The following CCP110 variants were observed in gnomAD, a reference collection of about 807,000 sequenced individuals.
CCP110 encodes centriolar coiled-coil protein 110, also known as centriolar coiled-coil protein of 110 kDa.
CCP110 carries 43 observed loss-of-function variants against 105.5 expected under a neutral mutation model. The observed-to-expected ratio is 0.41, with a 90% CI of 0.32 to 0.53. The LOEUF is 0.53. CCP110 is among the 20% of genes least tolerant of loss of function. CCP110 has a pLI of 0.32. For synonymous variants in CCP110, 353 were observed against 392.1 expected (o/e 0.90, Z 1.18); for missense variants, 1,016 against 1,189.1 (o/e 0.85, Z 2.14).
chr16:19,548,022 T>A lies in CCP110; in HGVS notation c.2900+8T>A, dbSNP rs1970519215. 2 of 1,596,334 alleles carry A rather than the reference T, an allele frequency of 1.3e-6. No individual in the cohort carries two copies. Among genetic ancestry groups the A allele is most frequent in the South Asian group, 1.1e-5 (1 of 90,602 alleles). ...GCTACTTAGTAGACAAGGGTAAGAA[T>A]GCCACACACGGGTATTGAAAACTAC... On this transcript the variant is annotated splice_region_variant and intron_variant, in intron 13 of 14. Coordinates refer to ENST00000381396, the Ensembl canonical transcript of CCP110. The surrounding 1 kb of genome is among the most constrained non-coding windows in gnomAD (Gnocchi z 4.1).
intron 3 of CCP110, among the ~76,000 whole-genome samples, chr16:19,534,179 A>G (rs1026450385): frequency 6.6e-6 from 1 of 152,160 alleles, no homozygotes; most frequent in Non-Finnish European, 1.5e-5. Context: ...GTCCATATTA[A>G]GTTTAAAAAA....
chr16:19,543,508 A>AG (rs1970359223), intron 8 of CCP110, among the ~76,000 whole-genome samples: 1 of 152,232 alleles, frequency 6.6e-6, no homozygotes, highest in East Asian at 1.9e-4. Context: ...GAAAAAGAAC[A>AG]GAATAACAGC....
intron 5 of CCP110, among the ~76,000 whole-genome samples, chr16:19,541,578 A>G (rs1970280095): frequency 6.7e-6 from 1 of 148,160 alleles, no homozygotes; most frequent in Non-Finnish European, 1.5e-5. Context: ...GTGAACCGAG[A>G]TCGTGCCACT....
At position 19,537,595 on chromosome 16, in the gene CCP110, A is replaced by G. The variant is rs758855857; in HGVS notation, c.1918+8A>G. 3.4e-6 allele frequency: 5 copies of G among 1,478,972 alleles called. No individual in the cohort carries two copies. Among genetic ancestry groups the G allele is most frequent in the Non-Finnish European group, 4.6e-6 (5 of 1,089,482 alleles). The allele number at this position is 1,478,972 out of a possible 1,614,324, so 91.6% of individuals were successfully genotyped here. A position where few individuals can be genotyped will look rare whatever the true frequency, so the allele number is the denominator to read the frequency against. Reference sequence around the variant, plus strand: ...TAGGAACTAGTTCCAAAGGTAAGGAATCTTTGAAGCGTTTGATACCTTCTA... The same window carrying G: ...TAGGAACTAGTTCCAAAGGTAAGGAGTCTTTGAAGCGTTTGATACCTTCTA... On this transcript the variant is annotated splice_region_variant and intron_variant, in intron 4 of 14. Transcript: ENST00000381396.
At chr16:19,537,550 C>T (rs775203473) in exon 4 of CCP110, 12 of 1,583,448 alleles carry the variant, frequency 7.6e-6, no homozygotes, top group African/African-American at 2.8e-5. Flanking sequence ...GATCTGGCTT[C>T]GTTAACAAGA....
At position 19,540,643 on chromosome 16, in the gene CCP110, A is replaced by G. The variant is rs1970243438; in HGVS notation, c.1919-14A>G. ...TGTGAATTTTCTAAATTGAGGAAAC[A>G]TGTTTCTTTTCAGAAAGCGAGGAGT... On this transcript the variant is annotated splice_polypyrimidine_tract_variant and intron_variant, in intron 4 of 14. Transcript: ENST00000381396. 6.2e-7 allele frequency: 1 copy of G among 1,604,430 alleles called. No homozygotes were observed. The highest frequency in any genetic ancestry group is 8.5e-7 in the Non-Finnish European group (1 of 1,174,670).
chr16:19,531,106 T>C (rs1969851692), intron 2 of CCP110, among the ~76,000 whole-genome samples: 1 of 152,218 alleles, frequency 6.6e-6, no homozygotes, highest in Non-Finnish European at 1.5e-5. Context: ...AGCAAGTAAA[T>C]TGTATAATCA....
chr16:19,533,822 A>G (rs143044168), intron 3 of CCP110, among the ~76,000 whole-genome samples: 5 of 152,288 alleles, frequency 3.3e-5, no homozygotes, highest in Non-Finnish European at 7.4e-5. Context: ...CTGGGTAGAT[A>G]GGTGGCCTTC....
chr16:19,538,684 T>C lies in CCP110; in HGVS notation c.1918+1097T>C, dbSNP rs575458700. Among the ~76,000 whole-genome samples the C allele has an allele frequency of 5.3e-5, 8 of 152,324 alleles. No homozygotes were observed. The South Asian group carries it at 6.2e-4, about 12-fold the overall frequency. On this transcript the variant is annotated intron_variant, in intron 4 of 14. Coordinates refer to ENST00000381396, the Ensembl canonical transcript of CCP110. ...GCTATGAGGTCTTTCTTTTGGACTA[T>C]AGTTTCTAATGTTTATTTCAGTTTG...
At chr16:19,545,970 T>A (rs528482737) in intron 11 of CCP110, 80 bp downstream of exon 11, 2 of 818,100 alleles carry the variant, frequency 2.4e-6, no homozygotes, top group African/African-American at 1.7e-5. Context: ...CATATTTAAA[T>A]TTAGAAATAA....
chr16:19,537,017 AAAG>A (rs1214338579), exon 4 of CCP110: 1 of 1,614,250 alleles, frequency 6.2e-7, no homozygotes, highest in East Asian at 2.2e-5. Context: ...ATCTGAAGTC[AAAG>A]AAGATGTGGT....
intron 2 of CCP110, among the ~76,000 whole-genome samples, chr16:19,531,319 A>T (rs996579440): frequency 6.6e-6 from 1 of 152,212 alleles, no homozygotes; most frequent in Non-Finnish European, 1.5e-5. Flanking sequence ...TGATAGGTGA[A>T]TATTGCAACT....
chr16:19,537,141 C>G (rs770143429), exon 4 of CCP110: 1 of 1,614,194 alleles, frequency 6.2e-7, no homozygotes, highest in Non-Finnish European at 8.5e-7. Context: ...GAGAGAGGCG[C>G]ACACATAATG....
chr16:19,532,658 C>A, intron 3 of CCP110, 114 bp downstream of exon 3: 1 of 819,934 alleles, frequency 1.2e-6, no homozygotes, highest in Non-Finnish European at 1.9e-6. Flanking sequence ...TTTACTGTTA[C>A]GTTTGAGAAG....
intron 10 of CCP110, 41 bp from the exon 11 acceptor site, chr16:19,545,776 T>C (rs771853816): frequency 2.0e-6 from 2 of 1,021,824 alleles, no homozygotes; most frequent in South Asian, 1.3e-5. Flanking sequence ...GTGGTATTAA[T>C]TGGTTCCAGT....
intron 1 of CCP110, chr16:19,525,390 T>C (rs986200045): frequency 5.3e-5 from 8 of 152,204 alleles, no homozygotes; most frequent in African/African-American, 1.9e-4. Flanking sequence ...TGGCAAGATA[T>C]AGAGCAGTAG....
At chr16:19,543,318 T>C (rs1970352463) in intron 8 of CCP110, among the ~76,000 whole-genome samples, 2 of 152,246 alleles carry the variant, frequency 1.3e-5, no homozygotes, top group South Asian at 4.1e-4. Context: ...CATTTTAATA[T>C]GGACATTTAT....
chr16:19,536,769 C>T, exon 4 of CCP110: 2 of 1,614,084 alleles, frequency 1.2e-6, no homozygotes, highest in East Asian at 4.5e-5. Context: ...TTACCTAGTC[C>T]AGAGCCAAGT....
chr16:19,528,759 C>A (rs896145300), intron 2 of CCP110, among the ~76,000 whole-genome samples: 1 of 152,086 alleles, frequency 6.6e-6, no homozygotes, highest in Non-Finnish European at 1.5e-5. Context: ...ATTAGCCTGG[C>A]GCAGTGACAT....
Sources: allele counts gnomAD v4.1 joint callset (sites outside exome capture counted in the v4.1 genomes callset), GRCh38; gene constraint gnomAD v4.1.1; non-coding constraint Gnocchi (gnomAD v3.1); transcripts MANE v1.5; gene names NCBI Gene and HGNC (gene_info 2026-07-23, HGNC 2026-07-21).